The following ARB2A variants were observed in gnomAD, a reference collection of about 807,000 sequenced individuals.
The protein encoded by ARB2A is cotranscriptional regulator ARB2A.
At chr5:94,092,286 C>T in the ARB2A span, among the ~76,000 whole-genome samples, 3 of 152,038 alleles carry the variant, frequency 2.0e-5, no homozygotes, top group East Asian at 1.9e-4. Context: ...GTCAAGGCTA[C>T]GGTGAGCTAT....
the ARB2A span, among the ~76,000 whole-genome samples, chr5:94,079,992 G>A: frequency 6.6e-6 from 1 of 152,030 alleles, no homozygotes; most frequent in Non-Finnish European, 1.5e-5. Context: ...GAATATCTGT[G>A]ACAATGTTAA....
the ARB2A span, among the ~76,000 whole-genome samples, chr5:93,706,440 T>A: frequency 6.6e-6 from 1 of 152,218 alleles, no homozygotes; most frequent in Non-Finnish European, 1.5e-5. Flanking sequence ...AGTTTCTTTT[T>A]GGAGTGATGA....
the ARB2A span, among the ~76,000 whole-genome samples, chr5:93,971,188 C>A: frequency 3.3e-5 from 5 of 151,432 alleles, no homozygotes; most frequent in African/African-American, 9.8e-5. Flanking sequence ...TTAGTAGAGA[C>A]GGGATTTCAC....
At chr5:94,009,003 T>C in the ARB2A span, among the ~76,000 whole-genome samples, 16 of 152,116 alleles carry the variant, frequency 1.1e-4, no homozygotes, top group African/African-American at 3.9e-4. Flanking sequence ...AAGAATAAAC[T>C]CATTTTAACA....
At chr5:93,837,307 T>C in the ARB2A span, among the ~76,000 whole-genome samples, 15 of 152,196 alleles carry the variant, frequency 9.9e-5, no homozygotes, top group Non-Finnish European at 2.1e-4. Flanking sequence ...TCTTTTTCAA[T>C]GGCTGTGTAG....
chr5:94,065,624 A>T, the ARB2A span, among the ~76,000 whole-genome samples: 2 of 152,338 alleles, frequency 1.3e-5, no homozygotes, highest in East Asian at 3.9e-4. Flanking sequence ...CAGTAAAAAG[A>T]GACTAAGAAG....
At chr5:93,888,717 A>G in the ARB2A span, among the ~76,000 whole-genome samples, 1 of 151,866 alleles carries the variant, frequency 6.6e-6, no homozygotes, top group African/African-American at 2.4e-5. Context: ...TAACGATTAC[A>G]GTACCCAAAT....
At chr5:93,923,827 G>A in the ARB2A span, among the ~76,000 whole-genome samples, 68 of 152,010 alleles carry the variant, frequency 4.5e-4, 2 homozygotes, top group Non-Finnish European at 1.6e-4. Context: ...ACATACCAAA[G>A]AAAGAATACT....
the ARB2A span, among the ~76,000 whole-genome samples, chr5:93,895,908 A>G: frequency 6.6e-6 from 1 of 152,012 alleles, no homozygotes; most frequent in Non-Finnish European, 1.5e-5. Context: ...TTTAAAATTA[A>G]CAAAATAAAA....
chr5:93,893,521 A>G, the ARB2A span, among the ~76,000 whole-genome samples: 7 of 152,184 alleles, frequency 4.6e-5, no homozygotes, highest in African/African-American at 1.4e-4. Context: ...TACCACACAT[A>G]TAGAACAAAA....
chr5:94,110,908 T>C, the ARB2A span, among the ~76,000 whole-genome samples: 195 of 152,202 alleles, frequency 1.3e-3, no homozygotes, highest in African/African-American at 4.5e-3. Context: ...CCAACAGATA[T>C]AGACCCTGGA....
the ARB2A span, among the ~76,000 whole-genome samples, chr5:93,937,945 TA>T: frequency 1.1e-4 from 16 of 152,278 alleles, no homozygotes; most frequent in Non-Finnish European, 2.1e-4. Flanking sequence ...ACCTTTCATT[TA>T]AAAAAATTTT....
the ARB2A span, among the ~76,000 whole-genome samples, chr5:93,759,112 A>G: frequency 6.6e-6 from 1 of 152,216 alleles, no homozygotes; most frequent in African/African-American, 2.4e-5. Context: ...CAAGGCTACT[A>G]TGAACACCTT....
At chr5:93,966,390 CAGCTCTTACT>C in the ARB2A span, among the ~76,000 whole-genome samples, 2 of 152,070 alleles carry the variant, frequency 1.3e-5, no homozygotes, top group African/African-American at 4.8e-5. Context: ...TAGAAGTCAA[CAGCTCTTACT>C]AGGTACATCA....
chr5:93,873,916 G>T, the ARB2A span, among the ~76,000 whole-genome samples: 1 of 152,172 alleles, frequency 6.6e-6, no homozygotes, highest in Admixed American at 6.5e-5. Flanking sequence ...CAAATAGGTT[G>T]CAGAAAGGAT....
the ARB2A span, among the ~76,000 whole-genome samples, chr5:94,077,758 G>A: frequency 6.6e-6 from 1 of 152,166 alleles, no homozygotes; most frequent in African/African-American, 2.4e-5. Context: ...TTACTGATGT[G>A]AATTGGGACA....
the ARB2A span, among the ~76,000 whole-genome samples, chr5:93,892,163 C>A: frequency 6.6e-6 from 1 of 152,164 alleles, no homozygotes; most frequent in Non-Finnish European, 1.5e-5. Flanking sequence ...TGCTTTTATG[C>A]ACAAGGACAA....
At chr5:93,837,301 T>C in the ARB2A span, among the ~76,000 whole-genome samples, 2 of 152,190 alleles carry the variant, frequency 1.3e-5, no homozygotes, top group African/African-American at 4.8e-5. Flanking sequence ...TCTCATTCTT[T>C]TTCAATGGCT....
the ARB2A span, among the ~76,000 whole-genome samples, chr5:93,999,666 T>C: frequency 8.9e-4 from 135 of 152,110 alleles, no homozygotes; most frequent in East Asian, 3.9e-3. Flanking sequence ...TAAGCCTACA[T>C]TGAGACATCA....
Sources: gnomAD v4.1 joint callset for allele counts (sites outside exome capture counted in the v4.1 genomes callset) on GRCh38, gnomAD v4.1.1 for gene constraint, MANE v1.5 for transcripts, NCBI Gene and HGNC (gene_info 2026-07-23, HGNC 2026-07-21) for gene names.